The following ZNF385D variants were observed in gnomAD, a reference collection of about 807,000 sequenced individuals.
ZNF385D encodes the protein zinc finger protein 385D.
A neutral mutation model predicts 35.8 loss-of-function variants in ZNF385D; 15 were observed. The ratio of observed to expected loss-of-function variants is 0.42; its 90% confidence interval spans 0.28 to 0.64. The LOEUF is 0.64. ZNF385D is among the 30% of genes least tolerant of loss of function. The pLI is 0.23. For synonymous variants in ZNF385D, 212 were observed against 186.8 expected, an observed-to-expected ratio of 1.13 and a Z score of -1.10; for missense variants, 474 against 494.6, an observed-to-expected ratio of 0.96 and a Z score of 0.39.
intron 3 of ZNF385D, among the ~76,000 whole-genome samples, chr3:21,969,832 A>G (rs1444881262): frequency 6.6e-6 from 1 of 152,136 alleles, no homozygotes; most frequent in Non-Finnish European, 1.5e-5. Context: ...GTGTCACCCT[A>G]TCTCAGCTCC....
At chr3:22,309,558 A>G (rs1406683662) in intron 2 of ZNF385D, among the ~76,000 whole-genome samples, 2 of 152,086 alleles carry the variant, frequency 1.3e-5, no homozygotes, top group African/African-American at 4.8e-5. Context: ...TTTCAATGTA[A>G]AAGACAGGGT....
chr3:22,173,790 T>C (rs1694629426), intron 2 of ZNF385D, among the ~76,000 whole-genome samples: 1 of 152,160 alleles, frequency 6.6e-6, no homozygotes, highest in Admixed American at 6.6e-5. Context: ...CAGCCCTCTG[T>C]GAAAAGCTCA....
chr3:21,485,877 A>G (rs1342961453), intron 4 of ZNF385D, among the ~76,000 whole-genome samples: 1 of 151,544 alleles, frequency 6.6e-6, no homozygotes, highest in Admixed American at 6.6e-5. Context: ...TCTTTTCCCA[A>G]AAAAAAACCC....
At chr3:21,753,162 T>C (rs781354346), upstream of ZNF385D, among the ~76,000 whole-genome samples, 9 of 152,204 alleles carry the variant, frequency 5.9e-5, no homozygotes, top group African/African-American at 1.7e-4. Flanking sequence ...AATTGAGATA[T>C]AGAAAGGTGG....
intron 3 of ZNF385D, among the ~76,000 whole-genome samples, chr3:21,516,610 T>C (rs1303755041): frequency 6.6e-6 from 1 of 152,136 alleles, no homozygotes; most frequent in Non-Finnish European, 1.5e-5. Flanking sequence ...ACTGGGCCTT[T>C]CTTTATATAC....
chr3:22,118,195 C>A (rs1702905494), intron 3 of ZNF385D, among the ~76,000 whole-genome samples: 1 of 152,056 alleles, frequency 6.6e-6, no homozygotes, highest in African/African-American at 2.4e-5. Context: ...TAATGTCTCT[C>A]TTATTCCAAA....
intron 3 of ZNF385D, among the ~76,000 whole-genome samples, chr3:21,808,551 T>C (rs1020084407): frequency 6.6e-6 from 1 of 152,164 alleles, no homozygotes; most frequent in Non-Finnish European, 1.5e-5. Context: ...CTCTTTGCCT[T>C]GCAAGTGCTT....
intron 5 of ZNF385D, among the ~76,000 whole-genome samples, chr3:21,436,453 A>G (rs1210485122): frequency 6.6e-6 from 1 of 152,168 alleles, no homozygotes; most frequent in East Asian, 1.9e-4. Context: ...AAAAGAGTAC[A>G]TTTAGAAATC....
chr3:21,686,754 A>C, intron 1 of ZNF385D, among the ~76,000 whole-genome samples: 1 of 152,210 alleles, frequency 6.6e-6, no homozygotes, highest in Non-Finnish European at 1.5e-5. Context: ...CTTAATGTGC[A>C]ATAGTTTTTA....
intron 3 of ZNF385D, among the ~76,000 whole-genome samples, chr3:21,952,788 T>A (rs1218777998): frequency 1.3e-5 from 2 of 151,970 alleles, no homozygotes; most frequent in African/African-American, 4.8e-5. Context: ...ATATATTTTA[T>A]GATTCTTTCA....
intron 2 of ZNF385D, among the ~76,000 whole-genome samples, chr3:21,609,954 C>G (rs889934146): frequency 1.3e-5 from 2 of 152,142 alleles, no homozygotes; most frequent in Non-Finnish European, 2.9e-5. Flanking sequence ...AAACTGTTTC[C>G]AGTTGCGCAG....
intron 3 of ZNF385D, among the ~76,000 whole-genome samples, chr3:21,804,626 A>C (rs1298006765): frequency 1.3e-5 from 2 of 152,196 alleles, no homozygotes; most frequent in African/African-American, 4.8e-5. Flanking sequence ...CCTTCCTTCT[A>C]CTTAAGAGCT....
intron 3 of ZNF385D, among the ~76,000 whole-genome samples, chr3:22,112,554 T>C (rs1384762255): frequency 1.3e-5 from 2 of 152,182 alleles, no homozygotes; most frequent in Admixed American, 1.3e-4. Flanking sequence ...ATTGCAGTTT[T>C]GTAATTATCC....
chr3:22,345,976 C>T (rs924271929), intron 2 of ZNF385D, among the ~76,000 whole-genome samples: 16 of 152,188 alleles, frequency 1.1e-4, no homozygotes, highest in African/African-American at 3.9e-4. Flanking sequence ...TCCCTTGTCC[C>T]GATCCTGCTT....
chr3:21,783,722 C>T (rs898098218), intron 3 of ZNF385D, among the ~76,000 whole-genome samples: 8 of 152,118 alleles, frequency 5.3e-5, no homozygotes, highest in Non-Finnish European at 1.5e-5. Context: ...AGCACAAAGG[C>T]ACCAGGTAAA....
intron 3 of ZNF385D, among the ~76,000 whole-genome samples, chr3:21,946,785 T>C (rs1208220240): frequency 1.3e-5 from 2 of 152,216 alleles, no homozygotes; most frequent in South Asian, 2.1e-4. Context: ...TGAGCCGAAA[T>C]TGCGCTACTG....
intron 2 of ZNF385D, among the ~76,000 whole-genome samples, chr3:22,224,885 A>G (rs540007870): frequency 1.3e-5 from 2 of 152,102 alleles, no homozygotes; most frequent in Non-Finnish European, 2.9e-5. Flanking sequence ...TTTTGCTATA[A>G]TCTTTGTCCA....
chr3:21,806,515 G>C (rs892246757), intron 3 of ZNF385D, among the ~76,000 whole-genome samples: 3 of 151,942 alleles, frequency 2.0e-5, no homozygotes, highest in African/African-American at 7.2e-5. Context: ...AATAGAGCTC[G>C]TTTTATAGTT....
chr3:22,160,644 C>T (rs945569359), intron 3 of ZNF385D, among the ~76,000 whole-genome samples: 1 of 151,982 alleles, frequency 6.6e-6, no homozygotes, highest in Admixed American at 6.6e-5. Context: ...AAATTTAATG[C>T]TAGCAGCAAA....
Sources: gnomAD v4.1 joint callset for allele counts (sites outside exome capture counted in the v4.1 genomes callset) on GRCh38, gnomAD v4.1.1 for gene constraint, MANE v1.5 for transcripts, NCBI Gene and HGNC (gene_info 2026-07-23, HGNC 2026-07-21) for gene names.